The following GABRB2 variants were observed in gnomAD, a reference collection of about 807,000 sequenced individuals.
GABRB2 encodes the protein gamma-aminobutyric acid receptor subunit beta-2.
A neutral mutation model predicts 54.7 loss-of-function variants in GABRB2; 16 were observed. The observed-to-expected ratio is 0.29, with a 90% CI of 0.20 to 0.44. GABRB2 has a LOEUF of 0.44. Among genes scored for constraint, GABRB2 ranks in the 20% least tolerant of loss-of-function variants. The pLI is 1.00. For missense variants in GABRB2, 355 were observed against 644.0 expected, an observed-to-expected ratio of 0.55 and a Z score of 4.86; for synonymous variants, 244 against 233.8, an observed-to-expected ratio of 1.04 and a Z score of -0.40.
upstream of GABRB2, chr5:161,546,884 G>C: frequency 5.7e-6 from 4 of 698,334 alleles, no homozygotes; most frequent in East Asian, 3.7e-5. Flanking sequence ...ATATAGAAAA[G>C]TCACCCCACA....
At chr5:161,499,099 T>A (rs941605350) in intron 3 of GABRB2, among the ~76,000 whole-genome samples, 1 of 152,120 alleles carries the variant, frequency 6.6e-6, no homozygotes, top group East Asian at 1.9e-4. Flanking sequence ...ACAGCCTCCA[T>A]ACTAGCATTG....
intron 9 of GABRB2, among the ~76,000 whole-genome samples, chr5:161,326,074 T>C (rs1259866531): frequency 6.6e-6 from 1 of 151,462 alleles, no homozygotes; most frequent in Non-Finnish European, 1.5e-5. Flanking sequence ...TCTTGTCCTC[T>C]CAGTACAAAT....
At position 161,436,884 on chromosome 5, in the gene GABRB2, T is replaced by C. The variant is rs114307504; in HGVS notation, c.458+22740A>G. On this transcript the variant is annotated intron_variant, in intron 4 of 9. Coordinates refer to ENST00000393959, the MANE Select transcript of GABRB2 (RefSeq NM_001371727.1). Reference sequence around the variant, plus strand: ...CGAATTCAGTGCTGTCCTGTTAGAATAGAAAGGAAAACCAGACCAAACTCA... The same window carrying C: ...CGAATTCAGTGCTGTCCTGTTAGAACAGAAAGGAAAACCAGACCAAACTCA... 1.5e-3 allele frequency among the ~76,000 whole-genome samples: 225 copies of C among 152,082 alleles called. 2 individuals are homozygous for C. Among genetic ancestry groups the C allele is most frequent in the African/African-American group, 4.3e-3 (177 of 41,470 alleles).
At chr5:161,397,598 G>C (rs948227836) in intron 5 of GABRB2, among the ~76,000 whole-genome samples, 1 of 152,134 alleles carries the variant, frequency 6.6e-6, no homozygotes, top group Non-Finnish European at 1.5e-5. Flanking sequence ...ACAAAGTGAG[G>C]AGCAGTAATT....
intron 5 of GABRB2, among the ~76,000 whole-genome samples, chr5:161,405,376 T>C (rs1235021244): frequency 6.6e-6 from 1 of 152,116 alleles, no homozygotes; most frequent in Non-Finnish European, 1.5e-5. Flanking sequence ...TGATAACAGC[T>C]GCTACTTATG....
At chr5:161,400,165 A>G (rs1561637021) in intron 5 of GABRB2, among the ~76,000 whole-genome samples, 1 of 152,054 alleles carries the variant, frequency 6.6e-6, no homozygotes, top group Non-Finnish European at 1.5e-5. Flanking sequence ...ACTATCAAAC[A>G]AAAACAACAG....
At chr5:161,504,997 C>T (rs1360635476) in intron 3 of GABRB2, among the ~76,000 whole-genome samples, 1 of 152,072 alleles carries the variant, frequency 6.6e-6, no homozygotes, top group East Asian at 1.9e-4. Context: ...GCAGATGACT[C>T]TGCTGGTGAG....
chr5:161,316,167 A>T (rs1430155729), intron 9 of GABRB2, among the ~76,000 whole-genome samples: 1 of 152,166 alleles, frequency 6.6e-6, no homozygotes, highest in Non-Finnish European at 1.5e-5. Context: ...GATCTTGATG[A>T]TCACATCCTT....
chr5:161,480,807 TA>T (rs1758739551), intron 3 of GABRB2, among the ~76,000 whole-genome samples: 1 of 152,008 alleles, frequency 6.6e-6, no homozygotes, highest in South Asian at 2.1e-4. Flanking sequence ...TCATAACATT[TA>T]AAAAGTGCCA....
At chr5:161,367,681 T>A (rs544553469) in intron 5 of GABRB2, among the ~76,000 whole-genome samples, 154 of 152,300 alleles carry the variant, frequency 1.0e-3, no homozygotes, top group Admixed American at 1.6e-3. Flanking sequence ...TTGCATTAGG[T>A]AAAGCCTAAT....
At chr5:161,341,937 T>A (rs1031690437) in intron 5 of GABRB2, among the ~76,000 whole-genome samples, 182 of 75,670 alleles carry the variant, frequency 2.4e-3, no homozygotes, top group African/African-American at 7.6e-3. Context: ...ATTTTTTCTT[T>A]TATATATATA....
intron 8 of GABRB2, chr5:161,326,845 T>C: frequency 3.4e-6 from 1 of 289,856 alleles, no homozygotes; most frequent in Non-Finnish European, 5.1e-6. Context: ...TGGCTGCAGG[T>C]GCATTTGATA....
At position 161,370,392 on chromosome 5, in the gene GABRB2, T is replaced by C. The variant is rs147126036; in HGVS notation, c.542-33623A>G. ...GAGGCTAGCTTCTGCAGAAGTAGAG[T>C]TGAAAATAATTCTAGGAGAACTACG... On this transcript the variant is annotated intron_variant, in intron 5 of 9. Transcript: ENST00000393959. Among the ~76,000 whole-genome samples the C allele has an allele frequency of 7.5e-3, 1,136 of 152,170 alleles. 15 individuals are homozygous for C. Among genetic ancestry groups the C allele is most frequent in the African/African-American group, 0.025 (1,028 of 41,510 alleles).
intron 3 of GABRB2, among the ~76,000 whole-genome samples, chr5:161,503,433 T>C (rs570673893): frequency 1.4e-4 from 21 of 152,052 alleles, no homozygotes; most frequent in Non-Finnish European, 2.4e-4. Flanking sequence ...AACTTCCAAA[T>C]AGATAATTAA....
At position 161,288,615 on chromosome 5, in the gene GABRB2, G is replaced by T. The variant is rs1580948650; in HGVS notation, c.*5466C>A. 2 of 152,546 alleles carry T rather than the reference G, an allele frequency of 1.3e-5. No individual in the cohort carries two copies. The highest frequency in any genetic ancestry group is 4.1e-4 in the South Asian group (2 of 4,828). 9.4% of individuals were successfully genotyped at this position (152,546 alleles called of 1,614,324 possible). Reference sequence around the variant, plus strand: ...GTATCCCAGAGATTTTAATAGTCCTGTTTTTAGAAAGACATGAAAATAGAT... The same window carrying T: ...GTATCCCAGAGATTTTAATAGTCCTTTTTTTAGAAAGACATGAAAATAGAT... On this transcript the variant is annotated 3_prime_UTR_variant, in exon 10 of 10. Transcript: ENST00000393959.
chr5:161,524,618 C>G (rs1489582949), intron 3 of GABRB2, among the ~76,000 whole-genome samples: 1 of 151,242 alleles, frequency 6.6e-6, no homozygotes, highest in Non-Finnish European at 1.5e-5. Flanking sequence ...TCAAGAAAGC[C>G]AAGTTTTAAC....
chr5:161,431,493 A>G (rs1399168492), intron 4 of GABRB2, among the ~76,000 whole-genome samples: 1 of 152,178 alleles, frequency 6.6e-6, no homozygotes, highest in Admixed American at 6.6e-5. Context: ...AGGTCAAATT[A>G]ATGTTTATGC....
chr5:161,468,751 C>A (rs900956079), intron 3 of GABRB2, among the ~76,000 whole-genome samples: 1 of 151,698 alleles, frequency 6.6e-6, no homozygotes, highest in African/African-American at 2.4e-5. Flanking sequence ...TAAAAAACCC[C>A]CCAAATTATT....
rs1185860999 is a variant in GABRB2 at position 161,289,484 on chromosome 5, A to G, written c.*4597T>C. 1.3e-5 allele frequency: 2 copies of G among 152,108 alleles called. No homozygotes were observed. Among genetic ancestry groups the G allele is most frequent in the Non-Finnish European group, 2.9e-5 (2 of 67,968 alleles). The allele number at this position is 152,108 out of a possible 1,614,324, so 9.4% of individuals were successfully genotyped here. Reference sequence around the variant, plus strand: ...GGACAAAATACTATTATTAAAAAAAAAGTCTTCTAGTGTATATTGTGTAAC... The same window carrying G: ...GGACAAAATACTATTATTAAAAAAAGAGTCTTCTAGTGTATATTGTGTAAC... On this transcript the variant is annotated 3_prime_UTR_variant, in exon 10 of 10. Transcript: ENST00000393959.
Sources: allele counts gnomAD v4.1 joint callset (sites outside exome capture counted in the v4.1 genomes callset), GRCh38; gene constraint gnomAD v4.1.1; transcripts MANE v1.5; gene names NCBI Gene and HGNC (gene_info 2026-07-23, HGNC 2026-07-21).